The following INTS4 variants were observed in gnomAD, a reference collection of about 807,000 sequenced individuals.
The protein encoded by INTS4 is MSTP093.
In INTS4, 70 loss-of-function variants were observed where a neutral mutation model predicts 119.5. That is an observed-to-expected ratio of 0.59 (90% CI 0.48 to 0.71). The LOEUF is 0.71. Ranked by LOEUF, INTS4 falls within the 30% of genes least tolerant of loss-of-function variation. The probability of loss-of-function intolerance (pLI) is 0.00; values close to 1 mark genes in which losing one functional copy is unlikely to be tolerated. For synonymous variants in INTS4, 316 were observed against 419.6 expected (o/e 0.75, Z 3.02); for missense variants, 867 against 1,173.2 (o/e 0.74, Z 3.81).
At chr11:77,977,894 T>G (rs72941339) in intron 4 of INTS4, 29,041 of 151,068 alleles carry the variant, frequency 0.19, 2,816 homozygotes, top group Middle Eastern at 0.23. Flanking sequence ...TTTGTTTTTT[T>G]GTTTTTTTTT....
Position 77,894,287 on chromosome 11 carries a change from T to A in INTS4, c.2288+3A>T. 1 of 1,485,334 alleles carries A rather than the reference T, an allele frequency of 6.7e-7. No individual in the cohort carries two copies. Among genetic ancestry groups the A allele is most frequent in the South Asian group, 1.2e-5 (1 of 85,380 alleles). 92.0% of individuals were successfully genotyped at this position (1,485,334 alleles called of 1,614,324 possible). ...TAAGCCAGAAGAGTTATAAAATACT[T>A]ACCTCTGAAAAAAGTCTACTTCCTG... On this transcript the variant is annotated splice_donor_region_variant and intron_variant, in intron 19 of 22. Transcript: ENST00000534064.
At chr11:77,882,307 G>A (rs750412629) in intron 22 of INTS4, among the ~76,000 whole-genome samples, 5 of 152,186 alleles carry the variant, frequency 3.3e-5, no homozygotes, top group Non-Finnish European at 5.9e-5. Flanking sequence ...GAGGAAATGG[G>A]GCCTAGGAAA....
At chr11:77,932,640 A>G (rs1400791170) in intron 10 of INTS4, among the ~76,000 whole-genome samples, 2 of 152,198 alleles carry the variant, frequency 1.3e-5, no homozygotes, top group African/African-American at 4.8e-5. Context: ...TCATTCTACT[A>G]TAAGAACACA....
chr11:77,892,948 G>T (rs1478084795), intron 19 of INTS4, among the ~76,000 whole-genome samples: 2 of 152,204 alleles, frequency 1.3e-5, no homozygotes, highest in Non-Finnish European at 2.9e-5. Context: ...ACCTGCTGGT[G>T]AAGGTAGTGT....
chr11:77,906,243 T>C (rs1297345087), intron 16 of INTS4, among the ~76,000 whole-genome samples: 1 of 152,202 alleles, frequency 6.6e-6, no homozygotes, highest in African/African-American at 2.4e-5. Context: ...TGTCATGTTG[T>C]TGTATAATTC....
intron 20 of INTS4, 107 bp from the exon 21 acceptor site, chr11:77,891,569 A>T: frequency 3.8e-6 from 6 of 1,563,454 alleles, no homozygotes; most frequent in Non-Finnish European, 5.2e-6. Context: ...TGTGGGAGCC[A>T]CTCAGAGGAA....
chr11:77,971,507 G>C (rs1855732506), intron 4 of INTS4, among the ~76,000 whole-genome samples: 2 of 151,970 alleles, frequency 1.3e-5, no homozygotes, highest in African/African-American at 4.8e-5. Flanking sequence ...AATCAGCTGG[G>C]CACACGCCTG....
chr11:77,966,981 G>A (rs1046680166), intron 4 of INTS4, among the ~76,000 whole-genome samples: 5 of 152,046 alleles, frequency 3.3e-5, no homozygotes, highest in Admixed American at 6.6e-5. Flanking sequence ...ATGCACAAGG[G>A]TTCCAATCCT....
chr11:77,991,286 A>G lies in INTS4; in HGVS notation c.68T>C (p.Ile23Thr). Residue 23 changes from isoleucine to threonine, a missense_variant, in exon 2 of 23, where the codon ATT (isoleucine) becomes ACT (threonine). Physicochemically the swap from Ile to Thr is moderately conservative, Grantham distance 89. Coordinates refer to ENST00000534064, the MANE Select transcript of INTS4 (RefSeq NM_033547.4). ...TGTTAGTCGGAGTTTCTTAGTAGCA[A>G]TTTCCTCCTGTGGCTGCAAGGGGTA... The part of the protein sequence containing the change: ...FTKVVQPQEE[I>T]ATKKLRLTKP... The G allele has an allele frequency of 1.9e-6, 3 of 1,613,220 alleles. No homozygotes were observed. The highest frequency in any genetic ancestry group is 2.5e-6 in the Non-Finnish European group (3 of 1,179,270).
chr11:77,891,595 G>A, intron 20 of INTS4, 86 bp downstream of exon 20: 5 of 1,578,054 alleles, frequency 3.2e-6, no homozygotes, highest in South Asian at 1.2e-5. Context: ...TAGCCCAGCT[G>A]CTCCACTGGT....
chr11:77,959,066 A>G (rs4123595), intron 6 of INTS4, among the ~76,000 whole-genome samples: 29,283 of 152,162 alleles, frequency 0.19, 2,864 homozygotes, highest in Middle Eastern at 0.23. Flanking sequence ...TCACAGACTG[A>G]CAGCATAAAA....
At chr11:77,929,192 T>C (rs1235150238) in intron 10 of INTS4, among the ~76,000 whole-genome samples, 2 of 152,106 alleles carry the variant, frequency 1.3e-5, no homozygotes, top group Non-Finnish European at 2.9e-5. Context: ...TATATATATA[T>C]ATAAAGTAAC....
At chr11:77,993,519 C>A (rs114489246) in intron 1 of INTS4, among the ~76,000 whole-genome samples, 20 of 152,160 alleles carry the variant, frequency 1.3e-4, no homozygotes, top group Non-Finnish European at 2.1e-4. Flanking sequence ...GAAATGGGAA[C>A]AACAGAATGT....
intron 7 of INTS4, among the ~76,000 whole-genome samples, chr11:77,956,786 G>C: frequency 6.7e-6 from 1 of 149,660 alleles, no homozygotes; most frequent in East Asian, 1.9e-4. Context: ...AGTAAGTAAG[G>C]CTGCAGGCTC....
chr11:77,921,409 G>C lies in INTS4; in HGVS notation c.1695C>G (p.Phe565Leu). 1 of 1,611,072 alleles carries C rather than the reference G, an allele frequency of 6.2e-7. No individual in the cohort carries two copies. The highest frequency in any genetic ancestry group is 8.5e-7 in the Non-Finnish European group (1 of 1,177,284). ...AKTCPTMPALFSDHTFRHYAY... is the reference protein window; with the variant it reads ...AKTCPTMPALLSDHTFRHYAY... ...CATAGTGCCTGAAGGTGTGATCTGA[G>C]AACAATGCTGGCATTGTTGGACAGG... is the stretch of plus-strand genomic sequence containing the variant. The change falls in exon 14 of 23, where the codon TTC (phenylalanine) becomes TTG (leucine). Residue 565 changes from phenylalanine to leucine, a missense_variant. Physicochemically the swap from Phe to Leu is conservative, Grantham distance 22. Around this residue, in one of 5 missense-constraint regions of INTS4, gnomAD observed 262 missense variants for 376.0 expected, o/e 0.70. Coordinates refer to ENST00000534064, the MANE Select transcript of INTS4 (RefSeq NM_033547.4).
intron 21 of INTS4, among the ~76,000 whole-genome samples, chr11:77,886,900 C>G (rs1013234730): frequency 6.6e-6 from 1 of 151,966 alleles, no homozygotes; most frequent in Admixed American, 6.6e-5. Flanking sequence ...TTGAAACCAA[C>G]GAGAACAAAG....
chr11:77,993,974 C>T (rs1180013312), intron 1 of INTS4, among the ~76,000 whole-genome samples: 1 of 147,520 alleles, frequency 6.8e-6, no homozygotes, highest in Non-Finnish European at 1.5e-5. Flanking sequence ...TGACTCCCGA[C>T]AGGGACTCTG....
intron 8 of INTS4, among the ~76,000 whole-genome samples, chr11:77,947,880 G>A (rs1389943924): frequency 2.0e-5 from 3 of 152,070 alleles, no homozygotes; most frequent in Non-Finnish European, 1.5e-5. Context: ...GTCTTACTCT[G>A]ATGCCCATGC....
At chr11:77,968,377 A>T (rs1175428106) in intron 4 of INTS4, among the ~76,000 whole-genome samples, 1 of 152,246 alleles carries the variant, frequency 6.6e-6, no homozygotes, top group Non-Finnish European at 1.5e-5. Flanking sequence ...TATGCTAAGA[A>T]AAATAAGCTA....
Sources: gnomAD v4.1 joint callset for allele counts (sites outside exome capture counted in the v4.1 genomes callset) on GRCh38, gnomAD v4.1.1 for gene constraint, gnomAD v4.1.1 regional missense constraint, MANE v1.5 for transcripts, NCBI Gene and HGNC (gene_info 2026-07-23, HGNC 2026-07-21) for gene names.